TNRC6B: variants seen among roughly 807,000 people sequenced by gnomAD.
TNRC6B encodes the protein trinucleotide repeat-containing gene 6B protein.
Under a neutral mutation model 203.6 loss-of-function variants are expected in TNRC6B, and 52 were observed. That is an observed-to-expected ratio of 0.26 (90% CI 0.20 to 0.32). The LOEUF (loss-of-function observed/expected upper bound fraction) is 0.32, where lower values mean the gene tolerates loss of function less well. Among genes scored for constraint, TNRC6B ranks in the 10% least tolerant of loss-of-function variants. The pLI is 1.00. For synonymous variants in TNRC6B, 838 were observed against 845.7 expected, an observed-to-expected ratio of 0.99 and a Z score of 0.16; for missense variants, 1,923 against 2,286.2, an observed-to-expected ratio of 0.84 and a Z score of 3.24.
chr22:40,311,472 C>A (rs762229670), intron 17 of TNRC6B, among the ~76,000 whole-genome samples: 18 of 151,854 alleles, frequency 1.2e-4, no homozygotes, highest in Admixed American at 3.9e-4. Flanking sequence ...AAATATATAT[C>A]CTCCTAGACC....
chr22:40,242,194 G>C (rs2070038613), intron 1 of TNRC6B, among the ~76,000 whole-genome samples: 1 of 151,934 alleles, frequency 6.6e-6, no homozygotes, highest in African/African-American at 2.4e-5. Context: ...GTGTGTGTGT[G>C]TGTGTGTGTG....
chr22:40,166,618 A>C (rs1183574969), intron 4 of TNRC6B, among the ~76,000 whole-genome samples: 1 of 152,058 alleles, frequency 6.6e-6, no homozygotes, highest in Non-Finnish European at 1.5e-5. Flanking sequence ...AAGTGTTGGC[A>C]GGGCATGGTG....
intron 1 of TNRC6B, among the ~76,000 whole-genome samples, chr22:40,058,396 CAAT>C (rs1460900942): frequency 0.084 from 10,555 of 126,034 alleles, 1,149 homozygotes; most frequent in African/African-American, 0.35. Flanking sequence ...ACTTGTGACT[CAAT>C]GTGCTTTAGC....
At chr22:40,189,434 T>G (rs976217105) in intron 1 of TNRC6B, among the ~76,000 whole-genome samples, 11 of 151,530 alleles carry the variant, frequency 7.3e-5, no homozygotes, top group Non-Finnish European at 8.8e-5. Flanking sequence ...AGAACACACT[T>G]CAGTACATTT....
intron 3 of TNRC6B, among the ~76,000 whole-genome samples, chr22:40,126,196 C>T (rs2068491961): frequency 6.6e-6 from 1 of 152,128 alleles, no homozygotes; most frequent in South Asian, 2.1e-4. Flanking sequence ...CCTGTTCCTG[C>T]TGCACAGAGG....
chr22:40,161,210 C>G (rs895605310), intron 4 of TNRC6B, among the ~76,000 whole-genome samples: 1 of 152,084 alleles, frequency 6.6e-6, no homozygotes, highest in African/African-American at 2.4e-5. Context: ...GATAAAATAT[C>G]TTTAGGTTTT....
At chr22:40,318,275 C>A (rs543611664) in intron 21 of TNRC6B, among the ~76,000 whole-genome samples, 1 of 152,112 alleles carries the variant, frequency 6.6e-6, no homozygotes, top group Non-Finnish European at 1.5e-5. Context: ...CGGCCGGGCA[C>A]GGTGGCTCAC....
At chr22:40,148,469 A>G (rs1231743142) in intron 3 of TNRC6B, among the ~76,000 whole-genome samples, 1 of 151,934 alleles carries the variant, frequency 6.6e-6, no homozygotes, top group Admixed American at 6.6e-5. Context: ...TTTTTAGTAG[A>G]GATGGAGTTT....
intron 21 of TNRC6B, among the ~76,000 whole-genome samples, chr22:40,316,443 A>T (rs2146571247): frequency 6.6e-6 from 1 of 152,100 alleles, no homozygotes; most frequent in African/African-American, 2.4e-5. Context: ...AGGCGAGAGG[A>T]TTGCTTGAAG....
rs991602602 is a variant in TNRC6B at position 40,333,875 on chromosome 22, T to C, written c.*10634T>C. On this transcript the variant is annotated 3_prime_UTR_variant, in exon 23 of 23. Coordinates refer to ENST00000454349, the MANE Select transcript of TNRC6B (RefSeq NM_001162501.2). ...CAGGGTTGGAATGGATCATTTTGAA[T>C]TGCTTCTTTGCAGACACCCCCTTCG... The C allele has an allele frequency of 6.5e-6, 1 of 152,782 alleles. No individual in the cohort carries two copies. The highest frequency in any genetic ancestry group is 2.1e-4 in the South Asian group (1 of 4,828). The allele number at this position is 152,782 out of a possible 1,614,324, so 9.5% of individuals were successfully genotyped here.
At chr22:40,296,114 G>A (rs923067158) in intron 12 of TNRC6B, among the ~76,000 whole-genome samples, 4 of 152,202 alleles carry the variant, frequency 2.6e-5, no homozygotes, top group East Asian at 1.9e-4. Flanking sequence ...AATGGAGAAC[G>A]TGCGTACTTC....
rs775135239 is a variant in TNRC6B at position 40,301,005 on chromosome 22, G to C, written c.3936G>C (p.Gln1312His). The C allele has an allele frequency of 6.2e-7, 1 of 1,611,630 alleles. No individual in the cohort carries two copies. The highest frequency in any genetic ancestry group is 1.1e-5 in the South Asian group (1 of 90,422). ...SQAVRQQQEQ[Q>H]LARMVSALQQ... ...CTGTACGCCAACAGCAAGAGCAGCA[G>C]GTACGTGGGTAGGCAGGGTCCCTCC... The change falls in exon 14 of 23, where the codon CAG (glutamine) becomes CAC (histidine). Residue 1312 changes from glutamine to histidine, a missense_variant and splice_region_variant. Physicochemically the swap from Gln to His is conservative, Grantham distance 24. Transcript: ENST00000454349.
At chr22:40,158,870 A>T (rs2146355662) in intron 4 of TNRC6B, among the ~76,000 whole-genome samples, 1 of 152,358 alleles carries the variant, frequency 6.6e-6, no homozygotes, top group East Asian at 1.9e-4. Context: ...TTTACAAAAC[A>T]AATTTTTTTT....
At chr22:40,145,496 G>C (rs1387289199) in intron 3 of TNRC6B, among the ~76,000 whole-genome samples, 1 of 152,134 alleles carries the variant, frequency 6.6e-6, no homozygotes, top group African/African-American at 2.4e-5. Flanking sequence ...TGTGGTTGGA[G>C]ATATTTATAA....
At chr22:40,162,424 C>A (rs897367236) in intron 4 of TNRC6B, among the ~76,000 whole-genome samples, 1 of 152,148 alleles carries the variant, frequency 6.6e-6, no homozygotes, top group Non-Finnish European at 1.5e-5. Context: ...TCATATTTGA[C>A]TACCCAATTA....
At position 40,281,161 on chromosome 22, in the gene TNRC6B, G is replaced by A. The variant is rs1329056536; in HGVS notation, c.3454G>A (p.Glu1152Lys). 1.3e-6 allele frequency: 2 copies of A among 1,550,944 alleles called. No homozygotes were observed. Among genetic ancestry groups the A allele is most frequent in the African/African-American group, 1.4e-5 (1 of 73,024 alleles). ...FSNQDGCLGD[E>K]APCSPFSPSP... is the part of the protein sequence containing the mutation. Reference sequence around the variant, plus strand: ...CAATCAAGATGGGTGCCTTGGGGATGAGGCTCCCTGCTCTCCCTTCTCCCC... The same window carrying A: ...CAATCAAGATGGGTGCCTTGGGGATAAGGCTCCCTGCTCTCCCTTCTCCCC... The change falls in exon 11 of 23, where the codon GAG becomes AAG. Residue 1152 changes from glutamate (E) to lysine (K), a missense_variant. Coordinates refer to ENST00000454349, the MANE Select transcript of TNRC6B (RefSeq NM_001162501.2).
At chr22:40,090,605 C>A (rs1459301476) in intron 1 of TNRC6B, among the ~76,000 whole-genome samples, 1 of 152,042 alleles carries the variant, frequency 6.6e-6, no homozygotes, top group Non-Finnish European at 1.5e-5. Flanking sequence ...TCAGATGTAT[C>A]TTTGTATTTT....
rs751869801 is a variant in TNRC6B, at chr22:40,266,992, G to A, written c.2762G>A (p.Arg921Gln). Reference sequence around the variant, plus strand: ...AATTCCCAAGGGGGCCCAGCACCTCGAGAACCAAACCTGCCCACCCCAATG... The same window carrying A: ...AATTCCCAAGGGGGCCCAGCACCTCAAGAACCAAACCTGCCCACCCCAATG... Reference protein sequence around the residue: ...DKNSQGGPAPREPNLPTPMTS... With the variant: ...DKNSQGGPAPQEPNLPTPMTS... Residue 921 changes from arginine to glutamine, a missense_variant, in exon 5 of 23, where the codon CGA becomes CAA. Physicochemically the swap from Arg to Gln is conservative, Grantham distance 43. Around this residue, in one of 8 missense-constraint regions of TNRC6B, gnomAD observed 599 missense variants for 656.5 expected, o/e 0.91. Coordinates refer to ENST00000454349, the MANE Select transcript of TNRC6B (RefSeq NM_001162501.2). The A allele has an allele frequency of 7.4e-6, 12 of 1,610,930 alleles. No homozygotes were observed. The South Asian group carries it at 8.8e-5, about 12-fold the overall frequency.
chr22:40,258,468 A>G (rs974544810), intron 3 of TNRC6B, among the ~76,000 whole-genome samples: 1 of 152,260 alleles, frequency 6.6e-6, no homozygotes, highest in African/African-American at 2.4e-5. Context: ...AAAGCTTAAC[A>G]TTCTTGGATT....
Sources: gnomAD v4.1 joint callset for allele counts (sites outside exome capture counted in the v4.1 genomes callset) on GRCh38, gnomAD v4.1.1 for gene constraint, gnomAD v4.1.1 regional missense constraint, MANE v1.5 for transcripts, NCBI Gene and HGNC (gene_info 2026-07-23, HGNC 2026-07-21) for gene names.